The following VPS52 variants were observed in gnomAD, a reference collection of about 807,000 sequenced individuals.
VPS52 encodes vacuolar protein sorting-associated protein 52 homolog.
Under a neutral mutation model 98.7 loss-of-function variants are expected in VPS52, and 56 were observed. That is an observed-to-expected ratio of 0.57 (90% CI 0.46 to 0.71). The LOEUF (loss-of-function observed/expected upper bound fraction) is 0.71, where lower values mean the gene tolerates loss of function less well. Among genes scored for constraint, VPS52 ranks in the 30% least tolerant of loss-of-function variants. VPS52 has a pLI of 0.00. For missense variants in VPS52, 742 were observed against 925.9 expected, an observed-to-expected ratio of 0.80 and a Z score of 2.58; for synonymous variants, 348 against 346.4, an observed-to-expected ratio of 1.00 and a Z score of -0.05.
intron 17 of VPS52, among the ~76,000 whole-genome samples, chr6:33,263,275 A>AC (rs200294018): frequency 0.093 from 13,870 of 148,838 alleles, 940 homozygotes; most frequent in South Asian, 0.19. Context: ...AAAAAAAAAA[A>AC]AAAAAAAAAC....
rs1421767821 is a variant in VPS52 at position 33,266,472 on chromosome 6, G to A, written c.1281+85C>T. ...TTAGAATGAGGCGATCCTGATTTCA[G>A]TTCTACCAGAGTCATGACCCCACTA... On this transcript the variant is annotated intron_variant, in intron 12 of 19. Coordinates refer to ENST00000445902, the MANE Select transcript of VPS52 (RefSeq NM_022553.6). The A allele has an allele frequency of 3.5e-6, 5 of 1,444,142 alleles. No homozygotes were observed. In the African/African-American group the frequency reaches 4.2e-5, roughly 12 times the overall value. 89.5% of individuals were successfully genotyped at this position (1,444,142 alleles called of 1,614,324 possible).
chr6:33,269,068 C>T lies in VPS52; in HGVS notation c.494G>A (p.Arg165Gln), dbSNP rs751356151. 1.4e-5 allele frequency: 23 copies of T among 1,612,784 alleles called. No individual in the cohort carries two copies. The highest frequency in any genetic ancestry group is 4.4e-5 in the South Asian group (4 of 91,070). Reference protein sequence around the residue: ...NIRLRNRQAVRGKLGELVDGL... With the variant: ...NIRLRNRQAVQGKLGELVDGL... ...ATCAACAAGCTCCCCAAGTTTCCCC[C>T]GAACTGCCTGGCGATTTCGAAGTCG... The change falls in exon 6 of 20, where the codon CGG becomes CAG. Residue 165 changes from arginine (R) to glutamine (Q), a missense_variant. Arg to Gln is a conservative substitution (Grantham distance 43). Around this residue, in one of 2 missense-constraint regions of VPS52, gnomAD observed 590 missense variants for 793.3 expected, o/e 0.74. Coordinates refer to ENST00000445902, the MANE Select transcript of VPS52 (RefSeq NM_022553.6).
chr6:33,269,188 C>CGCTGTAGGGA lies in VPS52; in HGVS notation c.373-9_373dup (p.Arg125LeufsTer15). On this transcript the variant is annotated frameshift_variant and splice_region_variant, in exon 6 of 20. Transcript: ENST00000445902. LOFTEE classifies it high-confidence loss of function. ...AAAAGCTCCCAACATCTGCTCCATT[C>CGCTGTAGGGA]GCTGTAGGGAGGGTAGATGTTGCCG... 6.2e-7 allele frequency: 1 copy of CGCTGTAGGGA among 1,613,016 alleles called. No individual in the cohort carries two copies. Among genetic ancestry groups the CGCTGTAGGGA allele is most frequent in the Non-Finnish European group, 8.5e-7 (1 of 1,180,016 alleles).
Position 33,266,640 on chromosome 6 carries a change from T to C in VPS52, c.1198A>G (p.Ile400Val). The C allele has an allele frequency of 6.2e-7, 1 of 1,612,618 alleles. No individual in the cohort carries two copies. ...CCAGACACAACAAAAAATTCACAGA[T>C]GAAAAGGTATTCGCGGCAGGAATTG... Reference protein sequence around the residue: ...LDNSCREYLFICEFFVVSGPA... With the variant: ...LDNSCREYLFVCEFFVVSGPA... The change falls in exon 12 of 20, where the codon ATC becomes GTC. Residue 400 changes from isoleucine (I) to valine (V), a missense_variant. Coordinates refer to ENST00000445902, the MANE Select transcript of VPS52 (RefSeq NM_022553.6).
At position 33,266,537 on chromosome 6, in the gene VPS52, A is replaced by G. The variant is rs924635165; in HGVS notation, c.1281+20T>C. The G allele has an allele frequency of 4.4e-6, 7 of 1,583,926 alleles. No individual in the cohort carries two copies. Among genetic ancestry groups the G allele is most frequent in the Non-Finnish European group, 6.0e-6 (7 of 1,163,366 alleles). ...ACTGGGGACAAAGGTGTTGAATGGT[A>G]CAGGAAACAGGAGTCTTACCAGGGT... On this transcript the variant is annotated intron_variant, in intron 12 of 19. Transcript: ENST00000445902.
chr6:33,271,713 C>G lies in VPS52; in HGVS notation c.-38G>C. The stretch of plus-strand genomic sequence containing the variant: ...CACTTCCGGCAACTGTCAGTCCCGG[C>G]GAGTCCGTTCCCCGGAGTGGAGCTA... On this transcript the variant is annotated 5_prime_UTR_variant, in exon 1 of 20. Coordinates refer to ENST00000445902, the MANE Select transcript of VPS52 (RefSeq NM_022553.6). 1 of 1,576,838 alleles carries G rather than the reference C, an allele frequency of 6.3e-7. No homozygotes were observed. Among genetic ancestry groups the G allele is most frequent in the Non-Finnish European group, 8.6e-7 (1 of 1,159,964 alleles).
chr6:33,251,033 A>G (rs756024221), intron 19 of VPS52, 46 bp from the exon 20 acceptor site: 24 of 1,612,330 alleles, frequency 1.5e-5, no homozygotes, highest in Non-Finnish European at 2.0e-5. Flanking sequence ...AAATGGTGCT[A>G]ATAGTGATGA....
chr6:33,260,397 C>T (rs1362703611), intron 17 of VPS52, among the ~76,000 whole-genome samples: 2 of 150,506 alleles, frequency 1.3e-5, no homozygotes, highest in Non-Finnish European at 3.0e-5. Flanking sequence ...CTTGCCTTGT[C>T]TCATCAGTGT....
At chr6:33,269,220 T>C (rs1478254787) in intron 5 of VPS52, 31 bp from the exon 6 acceptor site, 4 of 1,611,362 alleles carry the variant, frequency 2.5e-6, no homozygotes, top group Non-Finnish European at 3.4e-6. Context: ...GCCGGAGTGC[T>C]ATAGGGTTTG....
chr6:33,270,076 G>A, intron 2 of VPS52, 25 bp from the exon 3 acceptor site: 2 of 1,614,050 alleles, frequency 1.2e-6, no homozygotes, highest in Non-Finnish European at 1.7e-6. Flanking sequence ...TTATCATAAG[G>A]GTCCAGCTCC....
At chr6:33,258,356 A>T (rs1207081223) in intron 17 of VPS52, among the ~76,000 whole-genome samples, 4 of 142,590 alleles carry the variant, frequency 2.8e-5, no homozygotes, top group Non-Finnish European at 4.5e-5. Context: ...ATTGCACTCC[A>T]GCCTCGGCAA....
Position 33,268,113 on chromosome 6 carries a change from C to T in VPS52, c.795G>A (p.Lys265=). ...NYQIPQTALL[K]YRFFYQFLLG... is the part of the protein sequence containing the mutation. ...CACTTCCTTGGGGTTGTGACCTGTA[C>T]TTCAGCAGGGCCGTCTGGGGGATCT... Residue 265 remains lysine, a synonymous_variant, in exon 8 of 20, where the codon AAG becomes AAA. Transcript: ENST00000445902. This position sits in a 1 kb window ranked among gnomAD's most constrained non-coding sequence, Gnocchi z 4.0. 1 of 1,613,110 alleles carries T rather than the reference C, an allele frequency of 6.2e-7. No homozygotes were observed. The highest frequency in any genetic ancestry group is 8.5e-7 in the Non-Finnish European group (1 of 1,180,044).
chr6:33,271,936 C>T, upstream of VPS52: 2 of 1,056,786 alleles, frequency 1.9e-6, no homozygotes, highest in Non-Finnish European at 2.7e-6. Flanking sequence ...AAGAAAGGCG[C>T]ACCGGAAGTT....
intron 17 of VPS52, among the ~76,000 whole-genome samples, chr6:33,262,543 CAG>C (rs1234806772): frequency 4.6e-5 from 7 of 152,158 alleles, no homozygotes; most frequent in African/African-American, 7.2e-5. Context: ...GAAAGGAAAT[CAG>C]TACATTGAAG....
In VPS52 at chr6:33,268,271, T is replaced by TG; in HGVS notation, c.700-64dup. ...AACCCTTTTGCTGTATGAGAGGAACTGGGGGAAGCAACAAATGGTAAACAT... is the reference window on the plus strand; with the variant it reads ...AACCCTTTTGCTGTATGAGAGGAACTGGGGGGAAGCAACAAATGGTAAACAT... On this transcript the variant is annotated intron_variant, in intron 7 of 19. Coordinates refer to ENST00000445902, the MANE Select transcript of VPS52 (RefSeq NM_022553.6). This position sits in a 1 kb window ranked among gnomAD's most constrained non-coding sequence, Gnocchi z 4.0. 1 of 1,539,068 alleles carries TG rather than the reference T, an allele frequency of 6.5e-7. No individual in the cohort carries two copies.
chr6:33,262,040 C>CAAAAAAAAA (rs9257102), intron 17 of VPS52, among the ~76,000 whole-genome samples: 1 of 15,374 alleles, frequency 6.5e-5, no homozygotes, highest in Non-Finnish European at 1.2e-4. Context: ...AACTCCATCT[C>CAAAAAAAAA]AAAAAAAAAA....
chr6:33,270,376 G>A (rs1581629362), intron 1 of VPS52, 93 bp from the exon 2 acceptor site: 1 of 1,217,376 alleles, frequency 8.2e-7, no homozygotes, highest in East Asian at 2.4e-5. Flanking sequence ...GTGAGAAGGA[G>A]CTGCTTTTAC....
rs746024979 is a variant in VPS52 at position 33,269,095 on chromosome 6, AT to A, written c.466del (p.Ile156PhefsTer35). On this transcript the variant is annotated frameshift_variant, in exon 6 of 20. Transcript: ENST00000445902. LOFTEE classifies it high-confidence loss of function. Reference sequence around the variant, plus strand: ...AACTGCCTGGCGATTTCGAAGTCGAATGTTCATGGCTCCTGACTGTTCCTGC... The same window carrying A: ...AACTGCCTGGCGATTTCGAAGTCGAAGTTCATGGCTCCTGACTGTTCCTGC... Reference protein sequence around the residue: ...TLQEQSGAMNIRLRNRQAVRG... With the variant: ...TLQEQSGAMNXRLRNRQAVRG... The A allele has an allele frequency of 1.2e-6, 2 of 1,612,986 alleles. No homozygotes were observed. The highest frequency in any genetic ancestry group is 1.7e-6 in the Non-Finnish European group (2 of 1,180,002).
chr6:33,267,304 A>G lies in VPS52; in HGVS notation c.1009T>C (p.Ser337Pro). The stretch of plus-strand genomic sequence containing the variant: ...AAAATGGTGTTCCTGCTGCGGAGCG[A>G]TGGCTTTGAGAAGAATCGTAAGATG... ...TAKKGFFSKP[S>P]LRSRNTIFTL... Residue 337 changes from serine (S) to proline (P), a missense_variant, in exon 11 of 20, where the codon TCG (serine) becomes CCG (proline). Ser to Pro is a moderately conservative substitution (Grantham distance 74, BLOSUM62 -1). Coordinates refer to ENST00000445902, the MANE Select transcript of VPS52 (RefSeq NM_022553.6). The surrounding 1 kb of genome is among the most constrained non-coding windows in gnomAD (Gnocchi z 4.2). 6.3e-7 allele frequency: 1 copy of G among 1,594,984 alleles called. No homozygotes were observed. The highest frequency in any genetic ancestry group is 2.3e-5 in the East Asian group (1 of 44,344).
Sources: gnomAD v4.1 joint callset for allele counts (sites outside exome capture counted in the v4.1 genomes callset) on GRCh38, gnomAD v4.1.1 for gene constraint, gnomAD v4.1.1 regional missense constraint, Gnocchi (gnomAD v3.1) non-coding constraint, MANE v1.5 for transcripts, NCBI Gene and HGNC (gene_info 2026-07-23, HGNC 2026-07-21) for gene names.